Variants in RCVRN observed in about 807,000 individuals in gnomAD.
RCVRN encodes cancer associated retinopathy antigen.
RCVRN carries 23 observed loss-of-function variants against 20.4 expected under a neutral mutation model. The ratio of observed to expected loss-of-function variants is 1.13; its 90% CI spans 0.81 to 1.60. The LOEUF (loss-of-function observed/expected upper bound fraction) is 1.60, where lower values mean the gene tolerates loss of function less well. Ranked by LOEUF, RCVRN falls within the 40% of genes most tolerant of loss-of-function variation. The pLI, the probability that RCVRN is intolerant of heterozygous loss-of-function variation, is 0.00. For missense variants in RCVRN, 254 were observed against 254.2 expected, an observed-to-expected ratio of 1.00 and a Z score of 0.00; for synonymous variants, 105 against 105.9, an observed-to-expected ratio of 0.99 and a Z score of 0.05.
chr17:9,897,911 C>A lies in RCVRN; in HGVS notation c.*184G>T. The A allele has an allele frequency of 1.7e-6, 1 of 594,308 alleles. No individual in the cohort carries two copies. The highest frequency in any genetic ancestry group is 2.9e-5 in the East Asian group (1 of 34,860). The allele number at this position is 594,308 out of a possible 1,614,324, so 36.8% of individuals were successfully genotyped here. On this transcript the variant is annotated 3_prime_UTR_variant, in exon 3 of 3. Coordinates refer to ENST00000226193, the MANE Select transcript of RCVRN (RefSeq NM_002903.3). ...GGAAGAAGGAACCAGTGGGTCACTA[C>A]AGATGCTTCAGTTTGGCAGGGAGCT...
chr17:9,902,531 T>C, intron 1 of RCVRN, among the ~76,000 whole-genome samples: 1 of 151,314 alleles, frequency 6.6e-6, no homozygotes, highest in Non-Finnish European at 1.5e-5. Flanking sequence ...AAGAATAAGG[T>C]AAGTGGCAGG....
At position 9,899,823 on chromosome 17, in the gene RCVRN, C is replaced by T. The variant is rs1597414789; in HGVS notation, c.493+1166G>A. ...CTACCCCAATGACCTTCATGCTTCT[C>T]TTATTTCATCATTTGTTGGCAGATT... On this transcript the variant is annotated intron_variant, in intron 2 of 2. Transcript: ENST00000226193. This position sits in a 1 kb window ranked among gnomAD's most constrained non-coding sequence, Gnocchi z 4.6. 2.6e-5 allele frequency among the ~76,000 whole-genome samples: 4 copies of T among 152,178 alleles called. No individual in the cohort carries two copies. The highest frequency in any genetic ancestry group is 2.0e-4 in the Admixed American group (3 of 15,288).
At position 9,898,001 on chromosome 17, in the gene RCVRN, C is replaced by CGT; in HGVS notation, c.*93_*94insAC. 4.3e-6 allele frequency: 3 copies of CGT among 700,628 alleles called. No homozygotes were observed. Among genetic ancestry groups the CGT allele is most frequent in the Non-Finnish European group, 2.6e-6 (1 of 386,280 alleles). 43.4% of individuals were successfully genotyped at this position (700,628 alleles called of 1,614,324 possible). Reference sequence around the variant, plus strand: ...GGGTGGATGTGTGTGTGTGTGTGTGCGCGCGCGTGTGTGTGCATGTGTGTG... The same window carrying CGT: ...GGGTGGATGTGTGTGTGTGTGTGTGCGTGCGCGCGTGTGTGTGCATGTGTGTG... On this transcript the variant is annotated 3_prime_UTR_variant, in exon 3 of 3. Coordinates refer to ENST00000226193, the MANE Select transcript of RCVRN (RefSeq NM_002903.3).
At chr17:9,903,405 T>C (rs1313276890) in intron 1 of RCVRN, among the ~76,000 whole-genome samples, 2 of 152,214 alleles carry the variant, frequency 1.3e-5, no homozygotes, top group Non-Finnish European at 2.9e-5. Flanking sequence ...ACAGGGAAAC[T>C]GTCAGGAGCC....
chr17:9,905,027 T>G lies in RCVRN; in HGVS notation c.154A>C (p.Ile52Leu), dbSNP rs1447587138. 9.3e-6 allele frequency: 15 copies of G among 1,614,016 alleles called. No individual in the cohort carries two copies. The highest frequency in any genetic ancestry group is 1.3e-5 in the Non-Finnish European group (15 of 1,179,946). The change falls in exon 1 of 3, where the codon ATC becomes CTC. Residue 52 changes from isoleucine (I) to leucine (L), a missense_variant. Physicochemically the swap from Ile to Leu is conservative, Grantham distance 5. Transcript: ENST00000226193. The part of the protein sequence containing the change: ...GRITQQQFQS[I>L]YAKFFPDTDP... ...GTGTCGGGGAAGAACTTGGCGTAGA[T>G]GCTCTGGAACTGCTGCTGGGTGATG...
chr17:9,897,996 GTGTGCGCGCGCGTGTGTGTGCA>G lies in RCVRN; in HGVS notation c.*77_*98del, dbSNP rs1396503708. 1.2e-5 allele frequency: 9 copies of G among 758,338 alleles called. No individual in the cohort carries two copies. Among genetic ancestry groups the G allele is most frequent in the Non-Finnish European group, 2.2e-5 (9 of 418,478 alleles). 47.0% of individuals were successfully genotyped at this position (758,338 alleles called of 1,614,324 possible). A position where few individuals can be genotyped will look rare whatever the true frequency, so the allele number is the denominator to read the frequency against. Reference sequence around the variant, plus strand: ...CCCTGGGGTGGATGTGTGTGTGTGTGTGTGCGCGCGCGTGTGTGTGCATGTGTGTGTGTGTGCACAGGCGCTC... The same window carrying G: ...CCCTGGGGTGGATGTGTGTGTGTGTGTGTGTGTGTGTGTGCACAGGCGCTC... On this transcript the variant is annotated 3_prime_UTR_variant, in exon 3 of 3. Transcript: ENST00000226193.
At chr17:9,900,329 G>T (rs1031826686) in intron 2 of RCVRN, among the ~76,000 whole-genome samples, 1 of 152,138 alleles carries the variant, frequency 6.6e-6, no homozygotes, top group Non-Finnish European at 1.5e-5. Flanking sequence ...TACAGTGCAG[G>T]ATCACACTTC....
At position 9,904,969 on chromosome 17, in the gene RCVRN, C is replaced by T. The variant is rs779236064; in HGVS notation, c.212G>A (p.Arg71His). 6 of 1,614,196 alleles carry T rather than the reference C, an allele frequency of 3.7e-6. No individual in the cohort carries two copies. Among genetic ancestry groups the T allele is most frequent in the Non-Finnish European group, 5.1e-6 (6 of 1,180,050 alleles). ...DPKAYAQHVF[R>H]SFDSNLDGTL... ...GCCGTCGAGGTTGGAATCGAAGCTGCGGAACACATGCTGGGCGTAGGCCTT... is the reference window on the plus strand; with the variant it reads ...GCCGTCGAGGTTGGAATCGAAGCTGTGGAACACATGCTGGGCGTAGGCCTT... The change falls in exon 1 of 3, where the codon CGC (arginine) becomes CAC (histidine). Residue 71 changes from arginine to histidine, a missense_variant. Physicochemically the swap from Arg to His is conservative, Grantham distance 29. Transcript: ENST00000226193. The surrounding 1 kb of genome is among the most constrained non-coding windows in gnomAD (Gnocchi z 5.8).
rs745310288 is a variant in RCVRN at position 9,901,053 on chromosome 17, G to A, written c.429C>T (p.Asp143=). 5.5e-5 allele frequency: 88 copies of A among 1,609,374 alleles called. No individual in the cohort carries two copies. Among genetic ancestry groups the A allele is most frequent in the Admixed American group, 1.7e-4 (10 of 59,896 alleles). ...ITPEDVKLLP[D]DENTPEKRAE... is the part of the protein sequence containing the mutation. ...CTCGCTTTTCCGGCGTGTTTTCATC[G>A]TCTGGAAGGAGCTTCACGTCCTCGG... The change falls in exon 2 of 3, where the codon GAC becomes GAT. Residue 143 remains aspartate (D), a synonymous_variant. Coordinates refer to ENST00000226193, the MANE Select transcript of RCVRN (RefSeq NM_002903.3).
rs777252939 is a variant in RCVRN, at chr17:9,896,448, G to A, written c.*1647C>T. The A allele has an allele frequency of 6.6e-6, 1 of 152,218 alleles. No homozygotes were observed. The highest frequency in any genetic ancestry group is 2.1e-4 in the South Asian group (1 of 4,828). 9.4% of individuals were successfully genotyped at this position (152,218 alleles called of 1,614,324 possible). A position where few individuals can be genotyped will look rare whatever the true frequency, so the allele number is the denominator to read the frequency against. On this transcript the variant is annotated 3_prime_UTR_variant, in exon 3 of 3. Coordinates refer to ENST00000226193, the MANE Select transcript of RCVRN (RefSeq NM_002903.3). ...CATCACCACAATACCAGCAACTAGA[G>A]ACTCCTCAGCCTCAAGAGGTTGCAG... is the stretch of plus-strand genomic sequence containing the variant.
Position 9,905,098 on chromosome 17 carries a change from A to G in RCVRN, c.83T>C (p.Leu28Pro), listed in dbSNP as rs968429210. The G allele has an allele frequency of 3.1e-6, 5 of 1,610,028 alleles. No individual in the cohort carries two copies. The highest frequency in any genetic ancestry group is 4.2e-6 in the Non-Finnish European group (5 of 1,178,066). ...QLNTKFSEEE[L>P]CSWYQSFLKD... ...CAGGAAGGACTGGTACCAGGAGCAC[A>G]GCTCCTCCTCCGAGAACTTGGTGTT... The change falls in exon 1 of 3, where the codon CTG (leucine) becomes CCG (proline). Residue 28 changes from leucine to proline, a missense_variant. By Grantham distance (98) the Leu-to-Pro change is moderately conservative. Coordinates refer to ENST00000226193, the MANE Select transcript of RCVRN (RefSeq NM_002903.3).
rs1374814488 is a variant in RCVRN, at chr17:9,898,138, T to C, written c.560A>G (p.Gln187Arg). Residue 187 changes from glutamine (Q) to arginine (R), a missense_variant, in exon 3 of 3, where the codon CAG becomes CGG. Physicochemically the swap from Gln to Arg is conservative, Grantham distance 43. Coordinates refer to ENST00000226193, the MANE Select transcript of RCVRN (RefSeq NM_002903.3). Reference sequence around the variant, plus strand: ...TTCCTTCACTTTTTGAGGCTCAAACTGGATCAGTCGCAGAATTTCCTTATT... The same window carrying C: ...TTCCTTCACTTTTTGAGGCTCAAACCGGATCAGTCGCAGAATTTCCTTATT... ...LANKEILRLIQFEPQKVKEKM... is the reference protein window; with the variant it reads ...LANKEILRLIRFEPQKVKEKM... 2.5e-6 allele frequency: 4 copies of C among 1,613,960 alleles called. No homozygotes were observed. The African/African-American group carries it at 4.0e-5, about 16-fold the overall frequency.
In RCVRN at chr17:9,897,999, T is replaced by TGTGTGC. The variant is rs376748693; in HGVS notation, c.*95_*96insGCACAC. The stretch of plus-strand genomic sequence containing the variant: ...TGGGGTGGATGTGTGTGTGTGTGTG[T>TGTGTGC]GCGCGCGCGTGTGTGTGCATGTGTG... On this transcript the variant is annotated 3_prime_UTR_variant, in exon 3 of 3. Transcript: ENST00000226193. 4.8e-3 allele frequency: 3,511 copies of TGTGTGC among 725,584 alleles called. 1 individual carries two copies. The highest frequency in any genetic ancestry group is 6.7e-3 in the Non-Finnish European group (2,638 of 395,536). 44.9% of individuals were successfully genotyped at this position (725,584 alleles called of 1,614,324 possible). A position where few individuals can be genotyped will look rare whatever the true frequency, so the allele number is the denominator to read the frequency against.
At position 9,897,628 on chromosome 17, in the gene RCVRN, A is replaced by G. The variant is rs937275150; in HGVS notation, c.*467T>C. The G allele has an allele frequency of 6.2e-6, 1 of 162,016 alleles. No individual in the cohort carries two copies. The highest frequency in any genetic ancestry group is 1.4e-5 in the Non-Finnish European group (1 of 73,982). The allele number at this position is 162,016 out of a possible 1,614,324, so 10.0% of individuals were successfully genotyped here. A position where few individuals can be genotyped will look rare whatever the true frequency, so the allele number is the denominator to read the frequency against. On this transcript the variant is annotated 3_prime_UTR_variant, in exon 3 of 3. Transcript: ENST00000226193. ...CAAAGCAGCCCAGCCTAGGGCTGCC[A>G]TCGCAACACAGCCTTGTCTTTGAGG...
rs1343621411 is a variant in RCVRN, at chr17:9,900,470, T to TCTTCCTTTCTTTCCTAAC, written c.493+501_493+518dup. On this transcript the variant is annotated intron_variant, in intron 2 of 2. Coordinates refer to ENST00000226193, the MANE Select transcript of RCVRN (RefSeq NM_002903.3). ...GCAGTCTCGGGCATTACTTACCTAA[T>TCTTCCTTTCTTTCCTAAC]CTTCCTTTCTTTCCTAACCTTCCTT... Among the ~76,000 whole-genome samples the TCTTCCTTTCTTTCCTAAC allele has an allele frequency of 2.6e-3, 383 of 148,068 alleles. 9 individuals are homozygous for TCTTCCTTTCTTTCCTAAC. Among genetic ancestry groups the TCTTCCTTTCTTTCCTAAC allele is most frequent in the African/African-American group, 9.7e-3 (364 of 37,694 alleles).
chr17:9,904,727 A>T lies in RCVRN; in HGVS notation c.381+73T>A. 1.3e-6 allele frequency: 2 copies of T among 1,512,966 alleles called. No homozygotes were observed. Among genetic ancestry groups the T allele is most frequent in the Non-Finnish European group, 1.8e-6 (2 of 1,109,630 alleles). 93.7% of individuals were successfully genotyped at this position (1,512,966 alleles called of 1,614,324 possible). On this transcript the variant is annotated intron_variant, in intron 1 of 2. Transcript: ENST00000226193. This position sits in a 1 kb window ranked among gnomAD's most constrained non-coding sequence, Gnocchi z 5.8. ...CCCACAGATCCACTCCCTCTGCAGC[A>T]GCTGCAGCAGGGGACCCCCAGCCCG...
chr17:9,902,951 T>G (rs576519290), intron 1 of RCVRN, among the ~76,000 whole-genome samples: 4 of 151,862 alleles, frequency 2.6e-5, no homozygotes, highest in Non-Finnish European at 1.5e-5. Context: ...ATCACGCCAC[T>G]GCACTCCAGC....
chr17:9,902,211 C>T (rs922320108), intron 1 of RCVRN, among the ~76,000 whole-genome samples: 1 of 152,016 alleles, frequency 6.6e-6, no homozygotes, highest in Non-Finnish European at 1.5e-5. Flanking sequence ...TTATGCCACT[C>T]TGAAGACTTA....
intron 1 of RCVRN, 26 bp from the exon 2 acceptor site, chr17:9,901,126 CGTT>C (rs772242544): frequency 7.3e-7 from 1 of 1,373,562 alleles, no homozygotes; most frequent in Non-Finnish European, 1.0e-6. Context: ...AGAAAGAACT[CGTT>C]AGGAGGAACT....
Sources: allele counts gnomAD v4.1 joint callset (sites outside exome capture counted in the v4.1 genomes callset), GRCh38; gene constraint gnomAD v4.1.1; non-coding constraint Gnocchi (gnomAD v3.1); transcripts MANE v1.5; gene names NCBI Gene and HGNC (gene_info 2026-07-23, HGNC 2026-07-21).